PCSK5: variants seen among roughly 807,000 people sequenced by gnomAD.
The protein encoded by PCSK5 is prohormone convertase 5.
Under a neutral mutation model 233.2 loss-of-function variants are expected in PCSK5, and 129 were observed. That is an observed-to-expected ratio of 0.55 (90% CI 0.48 to 0.64). The LOEUF (loss-of-function observed/expected upper bound fraction) is 0.64. PCSK5 is among the 30% of genes least tolerant of loss of function. The pLI, the probability that PCSK5 is intolerant of heterozygous loss-of-function variation, is 0.00. For synonymous variants in PCSK5, 825 were observed against 879.2 expected, an observed-to-expected ratio of 0.94 and a Z score of 1.09; for missense variants, 2,076 against 2,430.1, an observed-to-expected ratio of 0.85 and a Z score of 3.06.
intron 35 of PCSK5, among the ~76,000 whole-genome samples, chr9:76,344,957 C>G (rs1250852801): frequency 6.6e-6 from 1 of 152,104 alleles, no homozygotes. Context: ...ATTGTAAGCA[C>G]AGTTTGAAAA....
chr9:76,101,779 T>C (rs773026172), intron 8 of PCSK5, among the ~76,000 whole-genome samples: 18 of 152,182 alleles, frequency 1.2e-4, no homozygotes, highest in Non-Finnish European at 2.5e-4. Context: ...ACAAATTCCA[T>C]GTGGAGGAAT....
At chr9:76,008,005 C>T (rs1039530846) in intron 3 of PCSK5, among the ~76,000 whole-genome samples, 10 of 152,020 alleles carry the variant, frequency 6.6e-5, no homozygotes, top group African/African-American at 2.4e-4. Flanking sequence ...AGAACTGGTG[C>T]CTTTCTATAA....
At chr9:76,320,870 A>C (rs556886682) in intron 30 of PCSK5, among the ~76,000 whole-genome samples, 2 of 150,290 alleles carry the variant, frequency 1.3e-5, no homozygotes, top group East Asian at 3.9e-4. Context: ...GTTGGAGTGC[A>C]GTGGCATGAT....
intron 1 of PCSK5, among the ~76,000 whole-genome samples, chr9:75,908,345 G>A (rs1297131880): frequency 1.3e-5 from 2 of 152,204 alleles, no homozygotes; most frequent in East Asian, 3.9e-4. Context: ...CGATGGAAAA[G>A]CTGAGCTTTC....
At chr9:76,004,435 T>G (rs1827393507) in intron 3 of PCSK5, among the ~76,000 whole-genome samples, 1 of 152,200 alleles carries the variant, frequency 6.6e-6, no homozygotes, top group African/African-American at 2.4e-5. Context: ...ATTTCTCTAT[T>G]GTAAAGATAT....
chr9:76,097,407 C>T (rs1831580501), intron 8 of PCSK5, among the ~76,000 whole-genome samples: 1 of 143,684 alleles, frequency 7.0e-6, no homozygotes, highest in Non-Finnish European at 1.5e-5. Flanking sequence ...CTACAGGCGC[C>T]CGCCACCGCG....
intron 24 of PCSK5, among the ~76,000 whole-genome samples, chr9:76,275,953 A>G (rs1352860666): frequency 1.3e-5 from 2 of 152,224 alleles, no homozygotes; most frequent in Admixed American, 6.5e-5. Flanking sequence ...TACAGTATCC[A>G]AAGCAGTGGA....
At chr9:75,906,694 T>C (rs994228751) in intron 1 of PCSK5, among the ~76,000 whole-genome samples, 9 of 152,274 alleles carry the variant, frequency 5.9e-5, no homozygotes, top group Non-Finnish European at 7.4e-5. Context: ...GAGAGGATCA[T>C]CTTAAGGCTT....
chr9:76,060,670 T>A (rs935754399), intron 5 of PCSK5, among the ~76,000 whole-genome samples: 2 of 152,170 alleles, frequency 1.3e-5, no homozygotes, highest in Non-Finnish European at 2.9e-5. Flanking sequence ...AGCTTGTACA[T>A]GGGTATAAGA....
chr9:76,027,334 CAG>C (rs1167326665), intron 5 of PCSK5, among the ~76,000 whole-genome samples: 2 of 151,976 alleles, frequency 1.3e-5, no homozygotes, highest in East Asian at 3.9e-4. Flanking sequence ...TGTTTAGGGA[CAG>C]GGGTGGTGAA....
At chr9:75,953,653 T>A (rs1457268096) in intron 2 of PCSK5, among the ~76,000 whole-genome samples, 1 of 151,986 alleles carries the variant, frequency 6.6e-6, no homozygotes, top group East Asian at 1.9e-4. Context: ...TGTCTGTGTG[T>A]GTGTGTGTGT....
intron 21 of PCSK5, among the ~76,000 whole-genome samples, chr9:76,233,205 T>G (rs1826148577): frequency 6.6e-6 from 1 of 152,208 alleles, no homozygotes; most frequent in Non-Finnish European, 1.5e-5. Context: ...CCAGTTAGCT[T>G]GTTTGGAAGC....
intron 1 of PCSK5, among the ~76,000 whole-genome samples, chr9:75,928,229 G>A (rs192081452): frequency 1.1e-4 from 17 of 152,012 alleles, no homozygotes; most frequent in African/African-American, 3.4e-4. Flanking sequence ...ATTTGCTATC[G>A]ATTTTATACT....
intron 2 of PCSK5, among the ~76,000 whole-genome samples, chr9:75,947,996 C>T (rs1403292978): frequency 6.6e-6 from 1 of 152,040 alleles, no homozygotes; most frequent in Non-Finnish European, 1.5e-5. Context: ...CACGTACTAC[C>T]ATGCCCACTT....
chr9:76,327,642 TA>T (rs1399658565), intron 32 of PCSK5, among the ~76,000 whole-genome samples: 1 of 152,136 alleles, frequency 6.6e-6, no homozygotes, highest in Non-Finnish European at 1.5e-5. Context: ...TGGAGGACCA[TA>T]ACAGTAGGTG....
In PCSK5 at chr9:76,181,349, A is replaced by G. The variant is rs765463528; in HGVS notation, c.2004-49A>G. Reference sequence around the variant, plus strand: ...CAGCACCTCCAAGAGAATGCTGGGGACTGGTTTGCTCATGACGCTGCCTTC... The same window carrying G: ...CAGCACCTCCAAGAGAATGCTGGGGGCTGGTTTGCTCATGACGCTGCCTTC... On this transcript the variant is annotated intron_variant, in intron 15 of 37. Transcript: ENST00000674117. The G allele has an allele frequency of 6.4e-5, 96 of 1,498,704 alleles. 1 individual carries two copies. The highest frequency in any genetic ancestry group is 8.8e-5 in the Non-Finnish European group (96 of 1,096,176). The allele number at this position is 1,498,704 out of a possible 1,614,324, so 92.8% of individuals were successfully genotyped here. A position where few individuals can be genotyped will look rare whatever the true frequency, so the allele number is the denominator to read the frequency against.
intron 1 of PCSK5, among the ~76,000 whole-genome samples, chr9:75,908,226 C>G (rs546364730): frequency 2.0e-5 from 3 of 152,338 alleles, no homozygotes; most frequent in Non-Finnish European, 2.9e-5. Context: ...ATGAGTCTCC[C>G]CATTTGACCT....
chr9:76,352,444 G>T (rs1287820872), intron 36 of PCSK5, among the ~76,000 whole-genome samples: 1 of 152,146 alleles, frequency 6.6e-6, no homozygotes, highest in Non-Finnish European at 1.5e-5. Context: ...TAGGAATGTA[G>T]CTCAGTAAGT....
chr9:76,275,986 T>C (rs1827677203), intron 24 of PCSK5, among the ~76,000 whole-genome samples: 1 of 152,192 alleles, frequency 6.6e-6, no homozygotes, highest in Non-Finnish European at 1.5e-5. Context: ...TGGGATCAAT[T>C]AAGTGTTTAT....
Sources: allele counts gnomAD v4.1 joint callset (sites outside exome capture counted in the v4.1 genomes callset), GRCh38; gene constraint gnomAD v4.1.1; transcripts MANE v1.5; gene names NCBI Gene and HGNC (gene_info 2026-07-23, HGNC 2026-07-21).